Variants in BACE2 observed in about 807,000 individuals in gnomAD.
BACE2 encodes 56 kDa aspartic-like protease.
In BACE2, 17 loss-of-function variants were observed where a neutral mutation model predicts 46.2. The observed-to-expected ratio is 0.37, with a 90% confidence interval of 0.25 to 0.55. The LOEUF is 0.55. BACE2 is among the 20% of genes least tolerant of loss of function. BACE2 has a pLI of 0.82. For synonymous variants in BACE2, 277 were observed against 295.9 expected (o/e 0.94, Z 0.66); for missense variants, 595 against 698.1 (o/e 0.85, Z 1.66).
At chr21:41,238,087 C>T (rs1051331120) in intron 3 of BACE2, among the ~76,000 whole-genome samples, 6 of 152,198 alleles carry the variant, frequency 3.9e-5, no homozygotes, top group African/African-American at 1.4e-4. Flanking sequence ...CATACGTTTG[C>T]GTGAAGATGG....
chr21:41,268,807 G>A lies in BACE2; in HGVS notation c.1304-6564G>A, dbSNP rs537345450. Among the ~76,000 whole-genome samples, 157 of 151,932 alleles carry A rather than the reference G, an allele frequency of 1.0e-3. 1 individual carries two copies. The highest frequency in any genetic ancestry group is 2.0e-3 in the Non-Finnish European group (137 of 67,962). ...AAAATTAATTTTATTGGGTTTTTTT[G>A]CATTTTTATTATACACAGCACACAC... On this transcript the variant is annotated intron_variant, in intron 8 of 8. Transcript: ENST00000330333.
chr21:41,182,215 T>C (rs1307809174), intron 1 of BACE2: 1 of 167,086 alleles, frequency 6.0e-6, no homozygotes, highest in Non-Finnish European at 1.5e-5. Context: ...TTACTGATAT[T>C]GGTTGTGGTT....
chr21:41,194,873 G>A (rs898333401), intron 1 of BACE2, among the ~76,000 whole-genome samples: 2 of 152,212 alleles, frequency 1.3e-5, no homozygotes, highest in African/African-American at 2.4e-5. Context: ...GCAAAGCATG[G>A]CAGGACACAT....
rs1987301305 is a variant in BACE2, at chr21:41,241,867, A to G, written c.667A>G (p.Asn223Asp). ...CTTCGACTCCCTGGTGACACAAGCA[A>G]ACATCCCCAACGTTTTCTCCATGCA... ...TFFDSLVTQA[N>D]IPNVFSMQMC... is the part of the protein sequence containing the mutation. The change falls in exon 4 of 9, where the codon AAC (asparagine) becomes GAC (aspartate). Residue 223 changes from asparagine to aspartate, a missense_variant. Transcript: ENST00000330333. 6.2e-7 allele frequency: 1 copy of G among 1,614,030 alleles called. No homozygotes were observed. Among genetic ancestry groups the G allele is most frequent in the African/African-American group, 1.3e-5 (1 of 74,906 alleles).
chr21:41,186,181 G>A (rs1048820202), intron 1 of BACE2: 10 of 152,216 alleles, frequency 6.6e-5, no homozygotes, highest in African/African-American at 7.2e-5. Flanking sequence ...AAGACAAAAT[G>A]GCACCAGCCA....
chr21:41,209,145 C>T (rs1356603334), intron 1 of BACE2, among the ~76,000 whole-genome samples: 1 of 152,228 alleles, frequency 6.6e-6, no homozygotes, highest in Non-Finnish European at 1.5e-5. Context: ...TTGTGCACAC[C>T]ACTGCCGGTC....
intron 1 of BACE2, among the ~76,000 whole-genome samples, chr21:41,216,470 G>C (rs1986470260): frequency 6.6e-6 from 1 of 152,226 alleles, no homozygotes; most frequent in Admixed American, 6.5e-5. Flanking sequence ...GAATGCCTGG[G>C]CAATGAGAAG....
intron 6 of BACE2, among the ~76,000 whole-genome samples, chr21:41,250,095 T>C (rs1324925699): frequency 6.6e-6 from 1 of 152,128 alleles, no homozygotes; most frequent in Non-Finnish European, 1.5e-5. Flanking sequence ...GAGACTGAAG[T>C]GTATCACACC....
chr21:41,252,196 C>G (rs573279063), intron 7 of BACE2, among the ~76,000 whole-genome samples: 9 of 152,180 alleles, frequency 5.9e-5, no homozygotes, highest in Non-Finnish European at 1.2e-4. Context: ...CTCCTGGCAT[C>G]GCTGTCCATG....
chr21:41,194,296 G>C (rs1985670017), intron 1 of BACE2, among the ~76,000 whole-genome samples: 1 of 152,170 alleles, frequency 6.6e-6, no homozygotes, highest in African/African-American at 2.4e-5. Flanking sequence ...CATTAGGGTA[G>C]CTGTGCCCAC....
chr21:41,251,958 A>G (rs1987653651), intron 7 of BACE2, among the ~76,000 whole-genome samples: 3 of 152,026 alleles, frequency 2.0e-5, no homozygotes, highest in Admixed American at 6.6e-5. Flanking sequence ...TGTCTTCCTC[A>G]GTCCCATTTC....
intron 1 of BACE2, among the ~76,000 whole-genome samples, chr21:41,174,160 TTTTTA>T (rs1489418749): frequency 2.1e-5 from 3 of 143,502 alleles, no homozygotes; most frequent in Admixed American, 1.4e-4. Flanking sequence ...TTTTTTTTTT[TTTTTA>T]AACAGTCTCG....
intron 8 of BACE2, among the ~76,000 whole-genome samples, chr21:41,262,323 A>T (rs922025289): frequency 6.6e-6 from 1 of 152,158 alleles, no homozygotes; most frequent in Non-Finnish European, 1.5e-5. Context: ...AATGAATTTT[A>T]ATAGCATCTT....
At chr21:41,237,800 C>T in intron 3 of BACE2, 71 bp downstream of exon 3, 1 of 1,300,658 alleles carries the variant, frequency 7.7e-7, no homozygotes, top group Non-Finnish European at 1.1e-6. Flanking sequence ...CATTAAAGGG[C>T]TGACACATGA....
At chr21:41,239,303 G>A (rs531498399) in intron 3 of BACE2, among the ~76,000 whole-genome samples, 1 of 152,230 alleles carries the variant, frequency 6.6e-6, no homozygotes, top group South Asian at 2.1e-4. Flanking sequence ...GATAAGATGT[G>A]GGTCACTCAG....
intron 1 of BACE2, among the ~76,000 whole-genome samples, chr21:41,209,342 C>T (rs1353534415): frequency 1.3e-5 from 2 of 152,188 alleles, no homozygotes; most frequent in East Asian, 3.9e-4. Context: ...CCAGGCTGTT[C>T]CCAGGGGGAG....
chr21:41,256,689 C>G (rs1281742597), intron 7 of BACE2, among the ~76,000 whole-genome samples: 1 of 152,170 alleles, frequency 6.6e-6, no homozygotes, highest in African/African-American at 2.4e-5. Context: ...TGAACCAAAC[C>G]AATGGACATC....
intron 1 of BACE2, among the ~76,000 whole-genome samples, chr21:41,173,798 C>A (rs1436846405): frequency 1.3e-5 from 2 of 151,960 alleles, no homozygotes; most frequent in Non-Finnish European, 2.9e-5. Flanking sequence ...TCTAGAATTG[C>A]TGAAATTAAT....
At chr21:41,191,847 C>T (rs1001423131) in intron 1 of BACE2, among the ~76,000 whole-genome samples, 4 of 152,186 alleles carry the variant, frequency 2.6e-5, no homozygotes, top group South Asian at 2.1e-4. Context: ...TGAGGTCCCC[C>T]GTTGGTGAGC....
Sources: gnomAD v4.1 joint callset for allele counts (sites outside exome capture counted in the v4.1 genomes callset) on GRCh38, gnomAD v4.1.1 for gene constraint, MANE v1.5 for transcripts, NCBI Gene and HGNC (gene_info 2026-07-23, HGNC 2026-07-21) for gene names.